Variants in EXOC4 observed in about 807,000 individuals in gnomAD.
EXOC4 encodes exocyst complex component 4, also known as SEC8-like 1.
EXOC4 carries 71 observed loss-of-function variants against 107.2 expected under a neutral mutation model. The ratio of observed to expected loss-of-function variants is 0.66; its 90% CI spans 0.55 to 0.81. The LOEUF is 0.81. Among genes scored for constraint, EXOC4 ranks in the 30% least tolerant of loss-of-function variants. EXOC4 has a pLI of 0.00. For synonymous variants in EXOC4, 456 were observed against 441.2 expected (o/e 1.03, Z -0.42); for missense variants, 1,108 against 1,189.6 (o/e 0.93, Z 1.01).
intron 10 of EXOC4, among the ~76,000 whole-genome samples, chr7:133,698,197 T>G (rs538261525): frequency 6.6e-6 from 1 of 152,178 alleles, no homozygotes; most frequent in Non-Finnish European, 1.5e-5. Context: ...TATCAGTGCC[T>G]TTCCGCGGCG....
chr7:133,661,689 C>CAAAAAAAAAAAAAAAAAAAAAAAAAA (rs869078453), intron 10 of EXOC4, among the ~76,000 whole-genome samples: 2 of 23,626 alleles, frequency 8.5e-5, no homozygotes, highest in African/African-American at 1.7e-4. Context: ...AAAAAAAAAA[C>CAAAAAAAAAAAAAAAAAAAAAAAAAA]AAAAAAAAAA....
intron 14 of EXOC4, among the ~76,000 whole-genome samples, chr7:133,971,129 A>G (rs1225794006): frequency 6.6e-6 from 1 of 151,826 alleles, no homozygotes; most frequent in African/African-American, 2.4e-5. Context: ...TGACTTTCTG[A>G]TTCTGCAAGG....
At chr7:134,050,162 A>G (rs1330392300) in intron 17 of EXOC4, among the ~76,000 whole-genome samples, 2 of 152,242 alleles carry the variant, frequency 1.3e-5, no homozygotes, top group Non-Finnish European at 2.9e-5. Flanking sequence ...ATTTGGAAGG[A>G]TACCCTGGAA....
intron 9 of EXOC4, among the ~76,000 whole-genome samples, chr7:133,533,699 T>C (rs1800222118): frequency 6.6e-6 from 1 of 152,172 alleles, no homozygotes; most frequent in South Asian, 2.1e-4. Flanking sequence ...GACTGTGCCA[T>C]CTCTGTATGG....
intron 7 of EXOC4, among the ~76,000 whole-genome samples, chr7:133,431,699 C>T (rs540617607): frequency 6.6e-6 from 1 of 152,258 alleles, no homozygotes; most frequent in Admixed American, 6.5e-5. Context: ...GTTTTTAGAG[C>T]CACATTTGCA....
intron 10 of EXOC4, among the ~76,000 whole-genome samples, chr7:133,803,963 G>A (rs1214328803): frequency 6.6e-6 from 1 of 152,108 alleles, no homozygotes; most frequent in Non-Finnish European, 1.5e-5. Flanking sequence ...TTGGTTTACT[G>A]TTAGTTCACT....
chr7:134,018,658 T>G (rs1463613851), intron 17 of EXOC4, among the ~76,000 whole-genome samples: 3 of 152,156 alleles, frequency 2.0e-5, no homozygotes, highest in Non-Finnish European at 1.5e-5. Context: ...AATTAATACC[T>G]CATTATGTGC....
At chr7:133,969,533 G>A (rs551626235) in intron 14 of EXOC4, among the ~76,000 whole-genome samples, 4 of 152,256 alleles carry the variant, frequency 2.6e-5, no homozygotes, top group South Asian at 2.1e-4. Flanking sequence ...CTGTGTGGAC[G>A]TCCTTTTTAT....
intron 14 of EXOC4, among the ~76,000 whole-genome samples, chr7:133,981,049 T>C (rs1563079462): frequency 6.6e-6 from 1 of 152,206 alleles, no homozygotes; most frequent in Non-Finnish European, 1.5e-5. Context: ...TTGTCCTCAC[T>C]GAGTAGAAAT....
intron 9 of EXOC4, among the ~76,000 whole-genome samples, chr7:133,597,285 GTC>G (rs1466793695): frequency 6.6e-6 from 1 of 152,176 alleles, no homozygotes; most frequent in African/African-American, 2.4e-5. Context: ...TGGGCGTGGT[GTC>G]TCACGCCTGT....
intron 10 of EXOC4, among the ~76,000 whole-genome samples, chr7:133,742,334 C>A (rs1001282164): frequency 6.6e-6 from 1 of 152,102 alleles, no homozygotes; most frequent in African/African-American, 2.4e-5. Flanking sequence ...TCATTTATTT[C>A]TTCTTAGAGT....
At chr7:133,459,107 A>G (rs1380660796) in intron 7 of EXOC4, among the ~76,000 whole-genome samples, 1 of 152,212 alleles carries the variant, frequency 6.6e-6, no homozygotes, top group Admixed American at 6.5e-5. Context: ...GTCTTAAGCA[A>G]TTAGCAGAGA....
intron 9 of EXOC4, among the ~76,000 whole-genome samples, chr7:133,577,094 G>A (rs963188371): frequency 1.3e-5 from 2 of 152,070 alleles, no homozygotes; most frequent in Non-Finnish European, 2.9e-5. Flanking sequence ...TATGATAGAC[G>A]CAATCTAAGA....
At chr7:133,433,788 A>T (rs1293614728) in intron 7 of EXOC4, among the ~76,000 whole-genome samples, 1 of 152,184 alleles carries the variant, frequency 6.6e-6, no homozygotes, top group Non-Finnish European at 1.5e-5. Context: ...ACTGTTCAGG[A>T]TTGAAAGCTC....
At chr7:134,029,075 C>T (rs2116464989) in intron 17 of EXOC4, among the ~76,000 whole-genome samples, 1 of 152,334 alleles carries the variant, frequency 6.6e-6, no homozygotes, top group South Asian at 2.1e-4. Flanking sequence ...AGGAAGCTGA[C>T]CCTGTCGAGG....
intron 10 of EXOC4, among the ~76,000 whole-genome samples, chr7:133,718,024 G>A (rs973377210): frequency 3.9e-5 from 6 of 152,142 alleles, no homozygotes; most frequent in Non-Finnish European, 8.8e-5. Flanking sequence ...CTGTCATATA[G>A]GTGGTGATGG....
rs1430894184 is a variant in EXOC4, at chr7:133,334,761, C to G, written c.763+17371C>G. Among the ~76,000 whole-genome samples, 7 of 151,854 alleles carry G rather than the reference C, an allele frequency of 4.6e-5. No individual in the cohort carries two copies. The South Asian group carries it at 6.3e-4, about 14-fold the overall frequency. On this transcript the variant is annotated intron_variant, in intron 5 of 17. Coordinates refer to ENST00000253861, the MANE Select transcript of EXOC4 (RefSeq NM_021807.4). ...CAATGGGCCCCAGTGTGCATTGTTC[C>G]CCTCTATATGTCCATGTGTTCTCAT...
chr7:133,319,496 T>G (rs930293508), intron 5 of EXOC4, among the ~76,000 whole-genome samples: 12 of 152,292 alleles, frequency 7.9e-5, no homozygotes, highest in African/African-American at 2.2e-4. Context: ...TATTTATTTA[T>G]TTATTTATTT....
chr7:133,536,939 A>G (rs922675572), intron 9 of EXOC4, among the ~76,000 whole-genome samples: 2 of 152,144 alleles, frequency 1.3e-5, no homozygotes, highest in Non-Finnish European at 2.9e-5. Context: ...CTTAGATTTG[A>G]TTCGCCAGAA....
Sources: allele counts gnomAD v4.1 joint callset (sites outside exome capture counted in the v4.1 genomes callset), GRCh38; gene constraint gnomAD v4.1.1; transcripts MANE v1.5; gene names NCBI Gene and HGNC (gene_info 2026-07-23, HGNC 2026-07-21).